The following KLRG1 variants were observed in gnomAD, a reference collection of about 807,000 sequenced individuals.
KLRG1 encodes killer cell lectin like receptor G1.
A neutral mutation model predicts 21.8 loss-of-function variants in KLRG1; 16 were observed. That is an observed-to-expected ratio of 0.73 (90% confidence interval 0.50 to 1.11). The LOEUF (loss-of-function observed/expected upper bound fraction) is 1.11. Among genes scored for constraint, KLRG1 ranks in the 50% most tolerant of loss-of-function variants. The pLI is 0.00. For synonymous variants in KLRG1, 69 were observed against 75.9 expected (o/e 0.91, Z 0.47); for missense variants, 173 against 218.3 (o/e 0.79, Z 1.31).
the KLRG1 span, chr12:9,156,308 A>ATG: frequency 9.4e-6 from 2 of 212,582 alleles, no homozygotes; most frequent in African/African-American, 4.6e-5. Flanking sequence ...CGAGTCATCA[A>ATG]TGTCACCCTT....
chr12:9,115,858 A>T, the KLRG1 span: 1 of 1,611,138 alleles, frequency 6.2e-7, no homozygotes, highest in African/African-American at 1.3e-5. Context: ...ATGTTGCAGA[A>T]AGAAGGAGCT....
chr12:9,093,146 A>G, the KLRG1 span, among the ~76,000 whole-genome samples: 4 of 152,206 alleles, frequency 2.6e-5, no homozygotes, highest in Non-Finnish European at 5.9e-5. Context: ...ACGTAGGATG[A>G]ATAAATTTAG....
the KLRG1 span, chr12:9,158,597 G>A: frequency 2.5e-6 from 4 of 1,612,498 alleles, no homozygotes; most frequent in Non-Finnish European, 3.4e-6. Context: ...GAAAAATGCA[G>A]TGCTGAGGCT....
At chr12:9,184,023 G>A in the KLRG1 span, among the ~76,000 whole-genome samples, 2 of 152,176 alleles carry the variant, frequency 1.3e-5, no homozygotes, top group Admixed American at 1.3e-4. Flanking sequence ...AGTTCAACAA[G>A]GAAAGTGGGG....
the KLRG1 span, among the ~76,000 whole-genome samples, chr12:9,030,507 C>T: frequency 1.3e-5 from 2 of 151,962 alleles, no homozygotes; most frequent in Non-Finnish European, 2.9e-5. Flanking sequence ...CCCGGATTCA[C>T]ATGATTCTCC....
the KLRG1 span, among the ~76,000 whole-genome samples, chr12:9,096,494 G>A: frequency 6.6e-6 from 1 of 152,164 alleles, no homozygotes; most frequent in African/African-American, 2.4e-5. Flanking sequence ...CTCTCCACAG[G>A]ACACGATGGC....
At chr12:9,097,696 C>T in the KLRG1 span, among the ~76,000 whole-genome samples, 161 of 148,162 alleles carry the variant, frequency 1.1e-3, 1 homozygote, top group East Asian at 8.8e-3. Flanking sequence ...TGCAGTGGCA[C>T]GATCTCGGCT....
the KLRG1 span, among the ~76,000 whole-genome samples, chr12:9,159,077 A>T: frequency 6.6e-6 from 1 of 152,096 alleles, no homozygotes; most frequent in African/African-American, 2.4e-5. Context: ...AGAGAGAGAG[A>T]GAAAGGATAT....
At chr12:9,204,188 A>G in the KLRG1 span, among the ~76,000 whole-genome samples, 1 of 152,180 alleles carries the variant, frequency 6.6e-6, no homozygotes, top group Non-Finnish European at 1.5e-5. Flanking sequence ...TTGCTTTCCA[A>G]GATGTTACAA....
chr12:9,096,843 T>A, the KLRG1 span, among the ~76,000 whole-genome samples: 3 of 152,216 alleles, frequency 2.0e-5, no homozygotes, highest in East Asian at 5.8e-4. Flanking sequence ...CCATGAGACA[T>A]ACATTTTTAT....
At chr12:9,019,075 G>GA in the KLRG1 span, among the ~76,000 whole-genome samples, 4 of 151,954 alleles carry the variant, frequency 2.6e-5, no homozygotes, top group Non-Finnish European at 5.9e-5. Context: ...AACTCAATAG[G>GA]AAAAAAATCT....
At chr12:9,093,589 G>A in the KLRG1 span, 2 of 1,508,406 alleles carry the variant, frequency 1.3e-6, no homozygotes, top group South Asian at 2.5e-5. Context: ...TCTATGGTGA[G>A]TGAGGAAGAA....
chr12:9,129,071 C>A, the KLRG1 span, among the ~76,000 whole-genome samples: 1 of 152,222 alleles, frequency 6.6e-6, no homozygotes, highest in East Asian at 1.9e-4. Context: ...TTCTCTTTTT[C>A]TCTTTCTTCA....
the KLRG1 span, chr12:9,036,823 G>T: frequency 4.7e-6 from 2 of 423,328 alleles, no homozygotes; most frequent in East Asian, 1.4e-4. Context: ...TACGAGGGCT[G>T]GCTTGCTGGG....
the KLRG1 span, chr12:9,057,514 A>C: frequency 2.6e-5 from 4 of 152,548 alleles, no homozygotes; most frequent in Admixed American, 2.6e-4. Flanking sequence ...ATCTATATAA[A>C]GTAAAAAAGA....
chr12:9,145,378 T>C, the KLRG1 span, among the ~76,000 whole-genome samples: 3 of 152,224 alleles, frequency 2.0e-5, no homozygotes, highest in Non-Finnish European at 4.4e-5. Flanking sequence ...CTACACAAAA[T>C]ATCTTGTAGT....
At chr12:9,152,166 G>T in the KLRG1 span, 1 of 1,242,352 alleles carries the variant, frequency 8.0e-7, no homozygotes, top group Middle Eastern at 2.2e-4. Flanking sequence ...GTCTTAGTTT[G>T]GGGATACAGA....
chr12:8,993,063 T>C (rs781003368), intron 2 of KLRG1, among the ~76,000 whole-genome samples: 2 of 145,848 alleles, frequency 1.4e-5, no homozygotes, highest in South Asian at 4.4e-4. Flanking sequence ...TATATCATAA[T>C]GTAATGAAAC....
At chr12:9,079,495 G>C in the KLRG1 span, 3 of 1,037,906 alleles carry the variant, frequency 2.9e-6, no homozygotes, top group African/African-American at 4.8e-5. Context: ...TTGGAGAGTG[G>C]ATAGTTTCCT....
Sources: allele counts gnomAD v4.1 joint callset (sites outside exome capture counted in the v4.1 genomes callset), GRCh38; gene constraint gnomAD v4.1.1; transcripts MANE v1.5; gene names NCBI Gene and HGNC (gene_info 2026-07-23, HGNC 2026-07-21).